The following HHIPL1 variants were observed in gnomAD, a reference collection of about 807,000 sequenced individuals.
HHIPL1 encodes HHIP like 1.
A neutral mutation model predicts 61.8 loss-of-function variants in HHIPL1; 43 were observed. The ratio of observed to expected loss-of-function variants is 0.70; its 90% CI spans 0.55 to 0.90. The LOEUF (loss-of-function observed/expected upper bound fraction) is 0.90. Ranked by LOEUF, HHIPL1 falls within the 40% of genes least tolerant of loss-of-function variation. The pLI is 0.00. For synonymous variants in HHIPL1, 482 were observed against 515.8 expected, an observed-to-expected ratio of 0.93 and a Z score of 0.89; for missense variants, 1,056 against 1,157.7, an observed-to-expected ratio of 0.91 and a Z score of 1.28.
intron 1 of HHIPL1, among the ~76,000 whole-genome samples, chr14:99,651,105 T>C (rs2055922896): frequency 2.6e-5 from 4 of 152,058 alleles, no homozygotes; most frequent in Non-Finnish European, 5.9e-5. Flanking sequence ...AAAAATTAGC[T>C]AGGCGTGGTG....
Position 99,657,543 on chromosome 14 carries a change from G to T in HHIPL1, c.1046+400G>T, listed in dbSNP as rs373421299. On this transcript the variant is annotated intron_variant, in intron 3 of 8. Coordinates refer to ENST00000330710, the MANE Select transcript of HHIPL1 (RefSeq NM_001127258.3). ...TTCCCAGGCCGAATGGAAAGTGTGA[G>T]CTGGCTGGAGCAGGGTGGCAACAGC... 2.8e-4 allele frequency among the ~76,000 whole-genome samples: 42 copies of T among 152,316 alleles called. No homozygotes were observed. The South Asian group carries it at 8.7e-3, about 32-fold the overall frequency.
chr14:99,646,081 C>T (rs572651054), intron 1 of HHIPL1, among the ~76,000 whole-genome samples: 3 of 152,388 alleles, frequency 2.0e-5, no homozygotes, highest in East Asian at 1.9e-4. Flanking sequence ...CAAGACTGAG[C>T]GACAGCTCTT....
intron 6 of HHIPL1, among the ~76,000 whole-genome samples, chr14:99,667,231 T>C (rs1049911934): frequency 6.6e-6 from 1 of 152,132 alleles, no homozygotes; most frequent in Non-Finnish European, 1.5e-5. Flanking sequence ...GGTGTGGGGC[T>C]GGGGCAGCAG....
intron 1 of HHIPL1, among the ~76,000 whole-genome samples, chr14:99,651,838 G>A (rs1386277498): frequency 6.6e-6 from 1 of 152,180 alleles, no homozygotes; most frequent in Non-Finnish European, 1.5e-5. Flanking sequence ...GGTCAGGGAG[G>A]ATCGGAGGTG....
upstream of HHIPL1, among the ~76,000 whole-genome samples, chr14:99,643,941 TC>T: frequency 6.6e-6 from 1 of 152,356 alleles, no homozygotes; most frequent in East Asian, 1.9e-4. Flanking sequence ...TGGGGACTGT[TC>T]CTACTGTTGC....
In HHIPL1 at chr14:99,676,932, G is replaced by C. The variant is rs928748444; in HGVS notation, c.*1306G>C. The C allele has an allele frequency of 2.6e-5, 4 of 152,340 alleles. No homozygotes were observed. The allele number at this position is 152,340 out of a possible 1,614,324, so 9.4% of individuals were successfully genotyped here. A position where few individuals can be genotyped will look rare whatever the true frequency, so the allele number is the denominator to read the frequency against. On this transcript the variant is annotated 3_prime_UTR_variant, in exon 9 of 9. Coordinates refer to ENST00000330710, the MANE Select transcript of HHIPL1 (RefSeq NM_001127258.3). The stretch of plus-strand genomic sequence containing the variant: ...AAGACAGGATGTGGCCCATGTCGGG[G>C]GTTGGAAGAGGTCTGGGTGGGGCAC...
chr14:99,634,907 A>G, the HHIPL1 span, among the ~76,000 whole-genome samples: 1 of 152,178 alleles, frequency 6.6e-6, no homozygotes, highest in Non-Finnish European at 1.5e-5. Flanking sequence ...AACTTCAAAC[A>G]CACACAGACT....
chr14:99,621,708 T>C, the HHIPL1 span, among the ~76,000 whole-genome samples: 3 of 101,276 alleles, frequency 3.0e-5, no homozygotes, highest in East Asian at 5.9e-4. Context: ...TCTTTTCTTT[T>C]CTTTTTTTTT....
At chr14:99,629,836 C>T in the HHIPL1 span, among the ~76,000 whole-genome samples, 14 of 152,294 alleles carry the variant, frequency 9.2e-5, no homozygotes, top group East Asian at 2.7e-3. Flanking sequence ...GAAGTATTGT[C>T]TATACTTAAA....
the HHIPL1 span, among the ~76,000 whole-genome samples, chr14:99,628,890 G>C: frequency 6.6e-6 from 1 of 152,188 alleles, no homozygotes; most frequent in South Asian, 2.1e-4. Context: ...GGAAGACGAG[G>C]TAGTGCTTCT....
rs201716729 is a variant in HHIPL1 at position 99,659,625 on chromosome 14, T to A, written c.1244T>A (p.Leu415His). ...DPSSGTGRGR[L>H]FCGDVGQNKF... ...TCCTCGGGCACTGGCCGCGGGCGCC[T>A]CTTCTGCGGCGACGTGGGCCAGAAC... Residue 415 changes from leucine (L) to histidine (H), a missense_variant, in exon 4 of 9, where the codon CTC (leucine) becomes CAC (histidine). Transcript: ENST00000330710. The A allele has an allele frequency of 3.2e-6, 5 of 1,551,312 alleles. No individual in the cohort carries two copies. The East Asian group carries it at 1.2e-4, about 38-fold the overall frequency.
rs2056377473 is a variant in HHIPL1 at position 99,675,383 on chromosome 14, C to G, written c.2106C>G (p.Asp702Glu). 2.8e-5 allele frequency: 43 copies of G among 1,523,762 alleles called. No homozygotes were observed. The highest frequency in any genetic ancestry group is 3.8e-5 in the Non-Finnish European group (43 of 1,138,728). 94.4% of individuals were successfully genotyped at this position (1,523,762 alleles called of 1,614,324 possible). A position where few individuals can be genotyped will look rare whatever the true frequency, so the allele number is the denominator to read the frequency against. Residue 702 changes from aspartate to glutamate, a missense_variant, in exon 9 of 9, where the codon GAC becomes GAG. By Grantham distance (45) the Asp-to-Glu change is conservative. Transcript: ENST00000330710. The surrounding 1 kb of genome is among the most constrained non-coding windows in gnomAD (Gnocchi z 5.4). ...VGGRWGTVCD[D>E]SWNISGAAVV... ...GACGCTGGGGCACCGTGTGCGACGA[C>G]TCCTGGAACATCAGCGGCGCCGCCG... is the stretch of plus-strand genomic sequence containing the variant.
Position 99,662,918 on chromosome 14 carries a change from G to A in HHIPL1, c.1545G>A (p.Trp515Ter). The change falls in exon 6 of 9, where the codon TGG (tryptophan) becomes TGA (stop). Residue 515 changes from tryptophan to a stop codon, truncating the protein, a stop_gained. Coordinates refer to ENST00000330710, the MANE Select transcript of HHIPL1 (RefSeq NM_001127258.3). LOFTEE classifies it high-confidence loss of function. ...AAGAGAACCCAGGGACAGGCCAGTG[G>A]CAGTACAGTGAGATCTGCATGGGCC... ...SLQENPGTGQWQYSEICMGHG... is the reference protein window; with the variant it reads ...SLQENPGTGQ 2 of 1,613,524 alleles carry A rather than the reference G, an allele frequency of 1.2e-6. No individual in the cohort carries two copies. Among genetic ancestry groups the A allele is most frequent in the Non-Finnish European group, 1.7e-6 (2 of 1,179,810 alleles).
intron 4 of HHIPL1, 99 bp downstream of exon 4, chr14:99,659,855 C>CCG (rs1555377807): frequency 3.6e-6 from 2 of 563,310 alleles, no homozygotes; most frequent in South Asian, 7.6e-5. Context: ...CACCCCCCCC[C>CCG]CCCCGGAGAT....
At chr14:99,631,108 C>CTT in the HHIPL1 span, among the ~76,000 whole-genome samples, 245 of 126,812 alleles carry the variant, frequency 1.9e-3, no homozygotes, top group African/African-American at 6.7e-3. Context: ...TTCTTTCTTT[C>CTT]TCTCTCTTTC....
Position 99,652,573 on chromosome 14 carries a change from C to T in HHIPL1, c.605C>T (p.Ala202Val), listed in dbSNP as rs753670837. 2.8e-5 allele frequency: 45 copies of T among 1,612,862 alleles called. 1 individual carries two copies. The Admixed American group carries it at 6.7e-4, about 24-fold the overall frequency. ...CGCAACCCCGTGGCCATGGTCCATGCCAGGGATGGCACCCACCGCTTCTTC... is the reference window on the plus strand; with the variant it reads ...CGCAACCCCGTGGCCATGGTCCATGTCAGGGATGGCACCCACCGCTTCTTC... ...GLRNPVAMVH[A>V]RDGTHRFFVA... The change falls in exon 2 of 9, where the codon GCC (alanine) becomes GTC (valine). Residue 202 changes from alanine (A) to valine (V), a missense_variant. Physicochemically the swap from Ala to Val is moderately conservative, Grantham distance 64. Transcript: ENST00000330710.
chr14:99,643,683 A>G (rs887576469), upstream of HHIPL1, among the ~76,000 whole-genome samples: 1 of 152,182 alleles, frequency 6.6e-6, no homozygotes, highest in South Asian at 2.1e-4. Flanking sequence ...CTGTGCAGGA[A>G]GCCGTTGCAG....
intron 2 of HHIPL1, among the ~76,000 whole-genome samples, chr14:99,654,188 CAA>C (rs754501639): frequency 2.0e-4 from 18 of 89,988 alleles, no homozygotes; most frequent in African/African-American, 8.2e-4. Context: ...GACTCTGTCT[CAA>C]AAAAAAAAAA....
intron 1 of HHIPL1, among the ~76,000 whole-genome samples, chr14:99,651,382 G>A (rs142212153): frequency 5.9e-4 from 90 of 152,318 alleles, no homozygotes; most frequent in African/African-American, 2.0e-3. Context: ...TTTCTGGGGC[G>A]TTCTCAGGAA....
Sources: allele counts gnomAD v4.1 joint callset (sites outside exome capture counted in the v4.1 genomes callset), GRCh38; gene constraint gnomAD v4.1.1; non-coding constraint Gnocchi (gnomAD v3.1); transcripts MANE v1.5; gene names NCBI Gene and HGNC (gene_info 2026-07-23, HGNC 2026-07-21).